The following PHACTR2 variants were observed in gnomAD, a reference collection of about 807,000 sequenced individuals.
PHACTR2 encodes chromosome 6 open reading frame 56.
A neutral mutation model predicts 76.0 loss-of-function variants in PHACTR2; 30 were observed. The ratio of observed to expected loss-of-function variants is 0.39; its 90% CI spans 0.30 to 0.54. The LOEUF is 0.54. Ranked by LOEUF, PHACTR2 falls within the 20% of genes least tolerant of loss-of-function variation. PHACTR2 has a pLI of 0.61. For missense variants in PHACTR2, 696 were observed against 781.1 expected (o/e 0.89, Z 1.30); for synonymous variants, 292 against 292.5 (o/e 1.00, Z 0.02).
chr6:143,803,557 AAAAT>A lies in PHACTR2; in HGVS notation c.1846-3491_1846-3488del, dbSNP rs1243202491. 6.6e-6 allele frequency among the ~76,000 whole-genome samples: 1 copy of A among 152,178 alleles called. No individual in the cohort carries two copies. The highest frequency in any genetic ancestry group is 1.5e-5 in the Non-Finnish European group (1 of 68,038). On this transcript the variant is annotated intron_variant, in intron 11 of 12. Transcript: ENST00000440869. This position sits in a 1 kb window ranked among gnomAD's most constrained non-coding sequence, Gnocchi z 4.7. ...AGTGAGACCCTGTCTCAAATAAATA[AAAAT>A]AAATAAATGAATATAAAAACTGTTC...
At chr6:143,778,837 G>A (rs1367899084) in intron 9 of PHACTR2, among the ~76,000 whole-genome samples, 1 of 152,162 alleles carries the variant, frequency 6.6e-6, no homozygotes, top group African/African-American at 2.4e-5. Flanking sequence ...TTGATCCTGT[G>A]AGATAAATAG....
chr6:143,721,770 A>G (rs1167422598), intron 2 of PHACTR2, among the ~76,000 whole-genome samples: 1 of 152,068 alleles, frequency 6.6e-6, no homozygotes, highest in East Asian at 1.9e-4. Context: ...TTCTCACCAC[A>G]GGAGTGTACT....
intron 1 of PHACTR2, among the ~76,000 whole-genome samples, chr6:143,668,145 G>A (rs1018612210): frequency 2.0e-5 from 3 of 152,136 alleles, no homozygotes; most frequent in Non-Finnish European, 2.9e-5. Context: ...TGTGTTTTTT[G>A]TCATTCGTTC....
At position 143,794,770 on chromosome 6, in the gene PHACTR2, G is replaced by T. The variant is rs1299242131; in HGVS notation, c.1845+5860G>T. 6.6e-6 allele frequency among the ~76,000 whole-genome samples: 1 copy of T among 152,074 alleles called. No individual in the cohort carries two copies. Among genetic ancestry groups the T allele is most frequent in the Non-Finnish European group, 1.5e-5 (1 of 68,016 alleles). ...GATTATGCCGCCGCACTCCAGCCTG[G>T]GTGACAAAGCGAGACTCCATCTCAA... On this transcript the variant is annotated intron_variant, in intron 11 of 12. Transcript: ENST00000440869. This position sits in a 1 kb window ranked among gnomAD's most constrained non-coding sequence, Gnocchi z 4.1.
rs946829232 is a variant in PHACTR2 at position 143,678,595 on chromosome 6, G to T, written c.46+386G>T. On this transcript the variant is annotated intron_variant, in intron 1 of 12. Coordinates refer to ENST00000440869, the MANE Select transcript of PHACTR2 (RefSeq NM_001100164.2). The surrounding 1 kb of genome is among the most constrained non-coding windows in gnomAD (Gnocchi z 6.2). ...TGTATTTACGCTTGGCTTCCGAACA[G>T]ACTAGGACTGAATGCTTTCAAGCTT... 6.6e-6 allele frequency among the ~76,000 whole-genome samples: 1 copy of T among 152,242 alleles called. No homozygotes were observed. The highest frequency in any genetic ancestry group is 1.5e-5 in the Non-Finnish European group (1 of 68,046).
At position 143,755,030 on chromosome 6, in the gene PHACTR2, T is replaced by C. The variant is rs2273212; in HGVS notation, c.454+1118T>C. On this transcript the variant is annotated intron_variant, in intron 4 of 12. Coordinates refer to ENST00000440869, the MANE Select transcript of PHACTR2 (RefSeq NM_001100164.2). This position sits in a 1 kb window ranked among gnomAD's most constrained non-coding sequence, Gnocchi z 5.2. ...CATAACCGTTCATTATTTGCATATATATTAGCCTTTAAAAGTTTTAGAAGC... is the reference window on the plus strand; with the variant it reads ...CATAACCGTTCATTATTTGCATATACATTAGCCTTTAAAAGTTTTAGAAGC... Among the ~76,000 whole-genome samples, 420 of 152,354 alleles carry C rather than the reference T, an allele frequency of 2.8e-3. 6 individuals are homozygous for C. The East Asian group carries it at 0.039, about 14-fold the overall frequency.
rs184554717 is a variant in PHACTR2 at position 143,596,873 on chromosome 6, C to T, written c.217+59666C>T. On this transcript the variant is annotated intron_variant, in intron 1 of 11. Transcript: ENST00000367584. The surrounding 1 kb of genome is among the most constrained non-coding windows in gnomAD (Gnocchi z 4.6). ...AAAATAAAAATAAAAAGAATCATGG[C>T]GTCCAACTCTGGGGCTGTTGCTAGG... is the stretch of plus-strand genomic sequence containing the variant. Among the ~76,000 whole-genome samples, 220 of 152,190 alleles carry T rather than the reference C, an allele frequency of 1.4e-3. 1 individual carries two copies. The highest frequency in any genetic ancestry group is 6.8e-3 in the Middle Eastern group (2 of 294).
Position 143,775,322 on chromosome 6 carries a change from T to A in PHACTR2, c.1589+1107T>A, listed in dbSNP as rs928912245. The stretch of plus-strand genomic sequence containing the variant: ...CGACTCTGGAAGAAATTTGGGAATG[T>A]TTACCAGTGGTCTCTCTCGCTCTCG... On this transcript the variant is annotated intron_variant, in intron 8 of 12. Coordinates refer to ENST00000440869, the MANE Select transcript of PHACTR2 (RefSeq NM_001100164.2). This position sits in a 1 kb window ranked among gnomAD's most constrained non-coding sequence, Gnocchi z 4.4. Among the ~76,000 whole-genome samples the A allele has an allele frequency of 6.6e-6, 1 of 152,168 alleles. No individual in the cohort carries two copies. The highest frequency in any genetic ancestry group is 1.5e-5 in the Non-Finnish European group (1 of 68,028).
Position 143,617,071 on chromosome 6 carries a change from A to G in PHACTR2, c.13+8749A>G, listed in dbSNP as rs1288303595. Among the ~76,000 whole-genome samples the G allele has an allele frequency of 1.3e-5, 2 of 152,168 alleles. No individual in the cohort carries two copies. Among genetic ancestry groups the G allele is most frequent in the African/African-American group, 4.8e-5 (2 of 41,424 alleles). ...GGTTTTACGAGACTGGGAAGAATGGACTGGAAAGAAGTAAGAGTGGAAGCT... is the reference window on the plus strand; with the variant it reads ...GGTTTTACGAGACTGGGAAGAATGGGCTGGAAAGAAGTAAGAGTGGAAGCT... On this transcript the variant is annotated intron_variant, in intron 1 of 11. Transcript: ENST00000305766. The surrounding 1 kb of genome is among the most constrained non-coding windows in gnomAD (Gnocchi z 4.8).
chr6:143,559,955 C>T (rs1459441875), intron 1 of PHACTR2, among the ~76,000 whole-genome samples: 1 of 151,924 alleles, frequency 6.6e-6, no homozygotes, highest in East Asian at 1.9e-4. Context: ...AGGTAATCCA[C>T]CTGCCTGGGC....
At chr6:143,758,082 G>C (rs572440191) in intron 4 of PHACTR2, among the ~76,000 whole-genome samples, 45 of 152,210 alleles carry the variant, frequency 3.0e-4, no homozygotes, top group Non-Finnish European at 5.4e-4. Flanking sequence ...AAGGAGCCAG[G>C]AGAAAGTCTG....
chr6:143,728,981 A>G (rs930570975), intron 2 of PHACTR2, among the ~76,000 whole-genome samples: 5 of 152,228 alleles, frequency 3.3e-5, no homozygotes, highest in Admixed American at 6.5e-5. Context: ...AAAAAAGCAC[A>G]AATTTGACTA....
At chr6:143,686,481 CTT>C (rs71024870) in intron 1 of PHACTR2, among the ~76,000 whole-genome samples, 1 of 83,990 alleles carries the variant, frequency 1.2e-5, no homozygotes, top group Admixed American at 1.6e-4. Context: ...GAACTTCATT[CTT>C]TTTTTTTTTT....
At chr6:143,685,606 T>C (rs1036524612) in intron 1 of PHACTR2, among the ~76,000 whole-genome samples, 3 of 145,934 alleles carry the variant, frequency 2.1e-5, no homozygotes, top group African/African-American at 7.7e-5. Flanking sequence ...GTACGAGAGC[T>C]AAGAAACTTG....
At chr6:143,622,400 G>T (rs184466285) in intron 1 of PHACTR2, among the ~76,000 whole-genome samples, 1 of 152,092 alleles carries the variant, frequency 6.6e-6, no homozygotes, top group African/African-American at 2.4e-5. Context: ...TGTTCTCCTC[G>T]CGTACATCTG....
Position 143,784,850 on chromosome 6 carries a change from C to CT in PHACTR2, c.1707+1575dup, listed in dbSNP as rs1458536757. On this transcript the variant is annotated intron_variant, in intron 10 of 12. Transcript: ENST00000440869. The surrounding 1 kb of genome is among the most constrained non-coding windows in gnomAD (Gnocchi z 4.5). ...GATAAACACATCAGATCTTGTGAGA[C>CT]TTTTTGACTATCACAAGAATAGAAT... Among the ~76,000 whole-genome samples the CT allele has an allele frequency of 6.6e-6, 1 of 152,164 alleles. No homozygotes were observed. Among genetic ancestry groups the CT allele is most frequent in the Non-Finnish European group, 1.5e-5 (1 of 68,028 alleles).
rs1018392159 is a variant in PHACTR2, at chr6:143,787,001, A to G, written c.1708-1772A>G. 2.0e-5 allele frequency among the ~76,000 whole-genome samples: 3 copies of G among 152,208 alleles called. No homozygotes were observed. The highest frequency in any genetic ancestry group is 1.3e-4 in the Admixed American group (2 of 15,284). The stretch of plus-strand genomic sequence containing the variant: ...TTTCTAGGGATGACTCTAGTTTTCA[A>G]TGGCCCTTAAGTTACCATCTGTAGA... On this transcript the variant is annotated intron_variant, in intron 10 of 12. Coordinates refer to ENST00000440869, the MANE Select transcript of PHACTR2 (RefSeq NM_001100164.2). This position sits in a 1 kb window ranked among gnomAD's most constrained non-coding sequence, Gnocchi z 4.6.
intron 1 of PHACTR2, among the ~76,000 whole-genome samples, chr6:143,694,835 G>T (rs1220590682): frequency 2.6e-5 from 4 of 152,188 alleles, no homozygotes; most frequent in Non-Finnish European, 4.4e-5. Context: ...AAACCACCTA[G>T]CAGGCTTCCA....
intron 2 of PHACTR2, among the ~76,000 whole-genome samples, chr6:143,721,476 C>A (rs933252896): frequency 9.9e-5 from 15 of 152,120 alleles, no homozygotes; most frequent in African/African-American, 3.6e-4. Context: ...CCATCTAGTT[C>A]TCTCTCTAGG....
Sources: gnomAD v4.1 joint callset for allele counts (sites outside exome capture counted in the v4.1 genomes callset) on GRCh38, gnomAD v4.1.1 for gene constraint, Gnocchi (gnomAD v3.1) non-coding constraint, MANE v1.5 for transcripts, NCBI Gene and HGNC (gene_info 2026-07-23, HGNC 2026-07-21) for gene names.